The following MLLT10 variants were observed in gnomAD, a reference collection of about 807,000 sequenced individuals.
MLLT10 encodes the protein protein AF-10.
A neutral mutation model predicts 129.1 loss-of-function variants in MLLT10; 30 were observed. The ratio of observed to expected loss-of-function variants is 0.23; its 90% CI spans 0.17 to 0.32. MLLT10 has a LOEUF of 0.32. MLLT10 is among the 10% of genes least tolerant of loss of function. The pLI, the probability that MLLT10 is intolerant of heterozygous loss-of-function variation, is 1.00. For missense variants in MLLT10, 1,119 were observed against 1,268.3 expected (o/e 0.88, Z 1.79); for synonymous variants, 490 against 446.4 (o/e 1.10, Z -1.23).
At chr10:21,730,683 G>C (rs1431567954) in intron 16 of MLLT10, among the ~76,000 whole-genome samples, 8 of 152,102 alleles carry the variant, frequency 5.3e-5, no homozygotes, top group Non-Finnish European at 7.4e-5. Context: ...ATGATGGCTA[G>C]CTATTTCCTT....
rs1368852605 is a variant in MLLT10, at chr10:21,713,897, G to A, written c.1825G>A (p.Ala609Thr). 5 of 1,614,000 alleles carry A rather than the reference G, an allele frequency of 3.1e-6. No individual in the cohort carries two copies. In the South Asian group the frequency reaches 4.4e-5, roughly 14 times the overall value. ...TTCTGGGCATTTGCAACAAGTAGGA[G>A]CGCTCTCTCCCTCAGCTGTGTCATC... The part of the protein sequence containing the change: ...QSSGHLQQVG[A>T]LSPSAVSSAA... The change falls in exon 14 of 23, where the codon GCG (alanine) becomes ACG (threonine). Residue 609 changes from alanine (A) to threonine (T), a missense_variant. This residue lies in a region of MLLT10 where 1,004 missense variants were observed against 1,008.7 expected (regional missense o/e 1.00). Coordinates refer to ENST00000307729, the MANE Select transcript of MLLT10 (RefSeq NM_001195626.3).
chr10:21,694,013 G>A (rs1238053955), intron 13 of MLLT10, among the ~76,000 whole-genome samples: 1 of 152,150 alleles, frequency 6.6e-6, no homozygotes, highest in Non-Finnish European at 1.5e-5. Flanking sequence ...AAAAAGAGCT[G>A]CGTAGTTCTT....
chr10:21,607,058 A>G (rs1335483997), intron 5 of MLLT10, among the ~76,000 whole-genome samples: 4 of 152,062 alleles, frequency 2.6e-5, no homozygotes. Flanking sequence ...GGAGTTTGAG[A>G]CCACCCAGGG....
At chr10:21,637,614 G>A (rs1353328586) in intron 8 of MLLT10, among the ~76,000 whole-genome samples, 1 of 152,162 alleles carries the variant, frequency 6.6e-6, no homozygotes, top group Non-Finnish European at 1.5e-5. Flanking sequence ...AAATCACAGG[G>A]TAGAGGTACT....
At chr10:21,639,357 A>G (rs2047763287) in intron 8 of MLLT10, among the ~76,000 whole-genome samples, 1 of 152,148 alleles carries the variant, frequency 6.6e-6, no homozygotes, top group African/African-American at 2.4e-5. Flanking sequence ...CTCACTTTTG[A>G]TGCTGATTCT....
At chr10:21,691,488 T>C (rs2053845696) in intron 13 of MLLT10, among the ~76,000 whole-genome samples, 1 of 152,212 alleles carries the variant, frequency 6.6e-6, no homozygotes, top group African/African-American at 2.4e-5. Context: ...CCATCATGCA[T>C]GCATTAGGAG....
At chr10:21,741,525 AT>A (rs540694250) in intron 22 of MLLT10, among the ~76,000 whole-genome samples, 95 of 152,100 alleles carry the variant, frequency 6.2e-4, no homozygotes, top group Middle Eastern at 3.4e-3. Context: ...CTGTAACTCC[AT>A]TTTTTTTATA....
At chr10:21,664,478 G>C (rs2050542655) in intron 9 of MLLT10, among the ~76,000 whole-genome samples, 1 of 151,780 alleles carries the variant, frequency 6.6e-6, no homozygotes, top group South Asian at 2.1e-4. Context: ...TGTATTTTTA[G>C]TAGGGACAGG....
intron 3 of MLLT10, among the ~76,000 whole-genome samples, chr10:21,579,648 C>T (rs372519982): frequency 1.3e-5 from 2 of 151,522 alleles, no homozygotes; most frequent in South Asian, 2.1e-4. Flanking sequence ...ACACAACCTC[C>T]GCCTCTTGGG....
chr10:21,599,930 A>G (rs1366443889), intron 5 of MLLT10, among the ~76,000 whole-genome samples: 1 of 152,222 alleles, frequency 6.6e-6, no homozygotes, highest in Non-Finnish European at 1.5e-5. Context: ...AGGTAGACCA[A>G]AGAAGGAATT....
chr10:21,567,588 C>A (rs993560524), intron 3 of MLLT10, among the ~76,000 whole-genome samples: 5 of 152,104 alleles, frequency 3.3e-5, no homozygotes, highest in Admixed American at 2.6e-4. Flanking sequence ...TTCCAATCCC[C>A]TGCTTAATTT....
Position 21,547,425 on chromosome 10 carries a change from A to G in MLLT10, c.240+8513A>G, listed in dbSNP as rs559772294. Among the ~76,000 whole-genome samples, 202 of 134,780 alleles carry G rather than the reference A, an allele frequency of 1.5e-3. 1 individual carries two copies. Among genetic ancestry groups the G allele is most frequent in the African/African-American group, 5.4e-3 (190 of 35,006 alleles). 88.4% of individuals were successfully genotyped at this position (134,780 alleles called of 152,430 possible). ...TTTCTTTTTTTTTTTTTTTTAAGAT[A>G]GGGTCTCACTGTGTTGCCCAGGCTG... On this transcript the variant is annotated intron_variant, in intron 3 of 22. Coordinates refer to ENST00000307729, the MANE Select transcript of MLLT10 (RefSeq NM_001195626.3).
At chr10:21,561,249 A>G (rs539784888) in intron 3 of MLLT10, among the ~76,000 whole-genome samples, 1 of 151,984 alleles carries the variant, frequency 6.6e-6, no homozygotes, top group African/African-American at 2.4e-5. Context: ...TTATTTATTT[A>G]TATATTTATT....
intron 4 of MLLT10, among the ~76,000 whole-genome samples, chr10:21,587,557 G>A (rs2042105103): frequency 6.6e-6 from 1 of 151,570 alleles, no homozygotes; most frequent in South Asian, 2.1e-4. Flanking sequence ...TTTTTCTACA[G>A]CTCAGTACTA....
rs377009565 is a variant in MLLT10 at position 21,584,059 on chromosome 10, C to T, written c.241-2235C>T. Among the ~76,000 whole-genome samples, 220 of 150,620 alleles carry T rather than the reference C, an allele frequency of 1.5e-3. 2 individuals are homozygous for T. The Middle Eastern group carries it at 0.021, about 14-fold the overall frequency. On this transcript the variant is annotated intron_variant, in intron 3 of 22. Coordinates refer to ENST00000307729, the MANE Select transcript of MLLT10 (RefSeq NM_001195626.3). ...TAATTTTTTGTATTTTTAATAGAGA[C>T]GGGGTTTCACCGTGTTAGCCAGATG...
Position 21,740,013 on chromosome 10 carries a change from CAT to C in MLLT10, c.2956-16_2956-15del, listed in dbSNP as rs751066061. 5.7e-5 allele frequency: 89 copies of C among 1,572,056 alleles called. No individual in the cohort carries two copies. The highest frequency in any genetic ancestry group is 2.1e-4 in the South Asian group (18 of 86,784). ...GTGCTTGGGAACTCATTTTCTCTCACATGTTTTTTGCCTAAGGAACAACATCA... is the reference window on the plus strand; with the variant it reads ...GTGCTTGGGAACTCATTTTCTCTCACGTTTTTTGCCTAAGGAACAACATCA... On this transcript the variant is annotated splice_polypyrimidine_tract_variant and intron_variant, in intron 21 of 22. Transcript: ENST00000307729.
At chr10:21,602,761 C>T (rs2043671433) in intron 5 of MLLT10, among the ~76,000 whole-genome samples, 2 of 150,630 alleles carry the variant, frequency 1.3e-5, no homozygotes, top group African/African-American at 4.9e-5. Context: ...CAGTGTCTTG[C>T]TCTGTCGCCC....
rs1048015485 is a variant in MLLT10 at position 21,534,252 on chromosome 10, C to G, written c.-269C>G. On this transcript the variant is annotated 5_prime_UTR_variant, in exon 1 of 23. Coordinates refer to ENST00000307729, the MANE Select transcript of MLLT10 (RefSeq NM_001195626.3). ...CGGGCGCGCACGCCAAGTGACGCTC[C>G]GAGGAGGAAGCGCAGCCCCCTTCCC... The G allele has an allele frequency of 1.0e-5, 4 of 396,802 alleles. No individual in the cohort carries two copies. The highest frequency in any genetic ancestry group is 4.2e-5 in the African/African-American group (2 of 47,900). The allele number at this position is 396,802 out of a possible 1,614,324, so 24.6% of individuals were successfully genotyped here.
chr10:21,647,057 C>T lies in MLLT10; in HGVS notation c.700-4616C>T, dbSNP rs1366555869. ...TTTTTAGTAGAGAACGGGGTTTCACCGTCTTAGCCAGGATGGTCTCGATCT... is the reference window on the plus strand; with the variant it reads ...TTTTTAGTAGAGAACGGGGTTTCACTGTCTTAGCCAGGATGGTCTCGATCT... On this transcript the variant is annotated intron_variant, in intron 8 of 22. Transcript: ENST00000307729. 4.6e-5 allele frequency among the ~76,000 whole-genome samples: 7 copies of T among 152,190 alleles called. No individual in the cohort carries two copies. The East Asian group carries it at 7.8e-4, about 17-fold the overall frequency.
Sources: allele counts gnomAD v4.1 joint callset (sites outside exome capture counted in the v4.1 genomes callset), GRCh38; gene constraint gnomAD v4.1.1; regional missense constraint gnomAD v4.1.1; transcripts MANE v1.5; gene names NCBI Gene and HGNC (gene_info 2026-07-23, HGNC 2026-07-21).